PEX5L: variants seen among roughly 807,000 people sequenced by gnomAD.
PEX5L encodes PEX5-related protein.
In PEX5L, 30 loss-of-function variants were observed where a neutral mutation model predicts 84.0. The ratio of observed to expected loss-of-function variants is 0.36; its 90% CI spans 0.27 to 0.48. The LOEUF (loss-of-function observed/expected upper bound fraction) is 0.48, where lower values mean the gene tolerates loss of function less well. PEX5L is among the 20% of genes least tolerant of loss of function. The pLI, the probability that PEX5L is intolerant of heterozygous loss-of-function variation, is 0.99. For missense variants in PEX5L, 533 were observed against 754.6 expected (o/e 0.71, Z 3.44); for synonymous variants, 270 against 283.1 (o/e 0.95, Z 0.46).
intron 8 of PEX5L, among the ~76,000 whole-genome samples, chr3:179,824,120 A>G (rs1479241068): frequency 6.6e-6 from 1 of 152,192 alleles, no homozygotes; most frequent in African/African-American, 2.4e-5. Context: ...AGAACAGGAA[A>G]GTTTAAGGGA....
intron 10 of PEX5L, 120 bp from the exon 11 acceptor site, chr3:179,811,991 C>G (rs1157879983): frequency 3.9e-6 from 3 of 767,034 alleles, no homozygotes; most frequent in Non-Finnish European, 6.9e-6. Flanking sequence ...TATGTGAGCG[C>G]TATATAAAAG....
chr3:179,935,420 C>T (rs141460108), intron 2 of PEX5L, among the ~76,000 whole-genome samples: 84 of 152,174 alleles, frequency 5.5e-4, no homozygotes, highest in African/African-American at 1.8e-3. Context: ...CTACCACGAG[C>T]GTATATATTT....
intron 2 of PEX5L, among the ~76,000 whole-genome samples, chr3:179,940,543 A>C (rs759118484): frequency 1.8e-4 from 27 of 152,200 alleles, no homozygotes; most frequent in Middle Eastern, 3.2e-3. Flanking sequence ...AGCTTATGCC[A>C]TCTGGCTACT....
intron 1 of PEX5L, among the ~76,000 whole-genome samples, chr3:179,972,060 A>G (rs1224596042): frequency 6.6e-6 from 1 of 152,110 alleles, no homozygotes; most frequent in African/African-American, 2.4e-5. Context: ...CCAACTATTC[A>G]ATGTTTTGTT....
chr3:180,001,181 C>T (rs560446557), intron 1 of PEX5L, among the ~76,000 whole-genome samples: 1 of 152,060 alleles, frequency 6.6e-6, no homozygotes. Flanking sequence ...GTGCTGGATG[C>T]TTCCTGCCCT....
At chr3:179,817,878 A>C (rs1726766613) in intron 9 of PEX5L, among the ~76,000 whole-genome samples, 1 of 152,228 alleles carries the variant, frequency 6.6e-6, no homozygotes, top group African/African-American at 2.4e-5. Flanking sequence ...GAGCTCAGGC[A>C]GACCTCGGGG....
At chr3:180,033,029 T>C (rs370914953) in intron 1 of PEX5L, among the ~76,000 whole-genome samples, 1 of 152,228 alleles carries the variant, frequency 6.6e-6, no homozygotes, top group Non-Finnish European at 1.5e-5. Flanking sequence ...TGGTTTCTTA[T>C]GTATTTTGTT....
chr3:179,968,713 GTGTGTGTGTCTGTGTGTGTC>G (rs1469716860), intron 2 of PEX5L, among the ~76,000 whole-genome samples: 1 of 131,886 alleles, frequency 7.6e-6, no homozygotes, highest in Non-Finnish European at 1.7e-5. Flanking sequence ...GTGTGTGTGT[GTGTGTGTGTCTGTGTGTGTC>G]TGTGTGTCTG....
intron 8 of PEX5L, among the ~76,000 whole-genome samples, chr3:179,855,921 G>A (rs1743760891): frequency 6.6e-6 from 1 of 152,172 alleles, no homozygotes; most frequent in Non-Finnish European, 1.5e-5. Context: ...CATATCTCAG[G>A]TTATTTTGTT....
chr3:179,950,402 T>A (rs571977721), intron 2 of PEX5L, among the ~76,000 whole-genome samples: 1 of 152,034 alleles, frequency 6.6e-6, no homozygotes, highest in Non-Finnish European at 1.5e-5. Flanking sequence ...TTAGGAGATA[T>A]ACCTAATGTA....
Position 179,993,881 on chromosome 3 carries a change from G to A in PEX5L, c.22-22216C>T, listed in dbSNP as rs546912961. ...ATTCCCTAAATAATACAGAAACACA[G>A]GAAAATAAGTCTGTACATGTTCAAT... On this transcript the variant is annotated intron_variant, in intron 1 of 14. Transcript: ENST00000467460. Among the ~76,000 whole-genome samples the A allele has an allele frequency of 9.9e-4, 150 of 152,176 alleles. 1 individual carries two copies. The highest frequency in any genetic ancestry group is 3.4e-3 in the African/African-American group (141 of 41,508).
In PEX5L at chr3:179,811,679, G is replaced by A. The variant is rs2287225; in HGVS notation, c.1154+122C>T. ...AGTGTGAGTGATATGCGGTATCTCA[G>A]CACTTATCCTTTACAAATTCTTTAC... On this transcript the variant is annotated intron_variant, in intron 11 of 14. Transcript: ENST00000467460. 1,547 of 772,812 alleles carry A rather than the reference G, an allele frequency of 2.0e-3. 16 individuals are homozygous for A. The East Asian group carries it at 0.031, about 16-fold the overall frequency. The allele number at this position is 772,812 out of a possible 1,614,324, so 47.9% of individuals were successfully genotyped here.
intron 8 of PEX5L, among the ~76,000 whole-genome samples, chr3:179,832,380 T>C (rs1733383849): frequency 6.8e-6 from 1 of 147,652 alleles, no homozygotes; most frequent in African/African-American, 2.5e-5. Flanking sequence ...ACCTACCTAC[T>C]TATCCACCCA....
chr3:179,806,859 A>C (rs1721494110), intron 14 of PEX5L, among the ~76,000 whole-genome samples: 1 of 152,224 alleles, frequency 6.6e-6, no homozygotes. Flanking sequence ...TGATTTTAAC[A>C]CAGGCTTGTC....
At chr3:179,938,218 C>G (rs975843729) in intron 2 of PEX5L, among the ~76,000 whole-genome samples, 1 of 152,202 alleles carries the variant, frequency 6.6e-6, no homozygotes, top group African/African-American at 2.4e-5. Context: ...CTCATGTCAT[C>G]TAGGCAAGAA....
chr3:179,885,298 G>A (rs1238431465), intron 4 of PEX5L, among the ~76,000 whole-genome samples: 1 of 152,082 alleles, frequency 6.6e-6, no homozygotes, highest in African/African-American at 2.4e-5. Context: ...TAAACATGAG[G>A]TCATATTAGA....
At chr3:179,843,744 G>A (rs1738177814) in intron 8 of PEX5L, among the ~76,000 whole-genome samples, 1 of 152,024 alleles carries the variant, frequency 6.6e-6, no homozygotes, top group African/African-American at 2.4e-5. Flanking sequence ...TTTAATTTTT[G>A]TAAAAGGTCA....
intron 8 of PEX5L, among the ~76,000 whole-genome samples, chr3:179,826,981 A>G (rs1375881305): frequency 1.3e-5 from 2 of 152,334 alleles, no homozygotes; most frequent in Non-Finnish European, 2.9e-5. Context: ...GGACAGGGTG[A>G]ACAATAAAAT....
intron 7 of PEX5L, among the ~76,000 whole-genome samples, chr3:179,863,944 C>T (rs1747203727): frequency 6.6e-6 from 1 of 152,056 alleles, no homozygotes; most frequent in Non-Finnish European, 1.5e-5. Flanking sequence ...CTTTCCTGTG[C>T]TGCTCTTATG....
Sources: allele counts gnomAD v4.1 joint callset (sites outside exome capture counted in the v4.1 genomes callset), GRCh38; gene constraint gnomAD v4.1.1; transcripts MANE v1.5; gene names NCBI Gene and HGNC (gene_info 2026-07-23, HGNC 2026-07-21).